Variants in APBA1 observed in about 807,000 individuals in gnomAD.
The protein encoded by APBA1 is amyloid beta precursor protein binding family A member 1.
In APBA1, 55 loss-of-function variants were observed where a neutral mutation model predicts 86.6. The ratio of observed to expected loss-of-function variants is 0.64; its 90% CI spans 0.51 to 0.80. APBA1 has a LOEUF of 0.80. Ranked by LOEUF, APBA1 falls within the 30% of genes least tolerant of loss-of-function variation. The pLI, the probability that APBA1 is intolerant of heterozygous loss-of-function variation, is 0.00. For missense variants in APBA1, 1,090 were observed against 1,183.0 expected, an observed-to-expected ratio of 0.92 and a Z score of 1.15; for synonymous variants, 511 against 493.9, an observed-to-expected ratio of 1.03 and a Z score of -0.46.
chr9:69,561,054 T>G (rs1057171331), intron 1 of APBA1, among the ~76,000 whole-genome samples: 1 of 152,212 alleles, frequency 6.6e-6, no homozygotes, highest in Non-Finnish European at 1.5e-5. Flanking sequence ...ATGTGGAATA[T>G]ATAATGTTGC....
At chr9:69,588,489 G>C (rs971387845) in intron 1 of APBA1, among the ~76,000 whole-genome samples, 8 of 151,986 alleles carry the variant, frequency 5.3e-5, no homozygotes, top group African/African-American at 1.7e-4. Context: ...TGTCCCCCAA[G>C]TCTTTGGTTT....
At chr9:69,433,650 T>G (rs1158557286) in intron 11 of APBA1, among the ~76,000 whole-genome samples, 1 of 152,092 alleles carries the variant, frequency 6.6e-6, no homozygotes, top group Non-Finnish European at 1.5e-5. Context: ...AGCTAAACTG[T>G]AAAGAGTCAC....
chr9:69,432,627 A>T lies in APBA1; in HGVS notation c.2351T>A (p.Val784Glu). Residue 784 changes from valine (V) to glutamate (E), a missense_variant, in exon 12 of 13, where the codon GTG becomes GAG. By Grantham distance (121) the Val-to-Glu change is moderately radical. Coordinates refer to ENST00000265381, the MANE Select transcript of APBA1 (RefSeq NM_001163.4). ...GGIAERGGVR[V>E]GHRIIEINGQ... ...ATTGATTTCAATGATCCGGTGCCCC[A>T]CACGGACGCCTCCTCTCTCAGCTAT... 1 of 1,605,850 alleles carries T rather than the reference A, an allele frequency of 6.2e-7. No individual in the cohort carries two copies. The highest frequency in any genetic ancestry group is 8.5e-7 in the Non-Finnish European group (1 of 1,176,730).
chr9:69,455,298 G>T (rs758468243), intron 8 of APBA1, among the ~76,000 whole-genome samples: 13 of 152,170 alleles, frequency 8.5e-5, no homozygotes, highest in Middle Eastern at 3.4e-3. Flanking sequence ...TGGCCCTCAG[G>T]GGGTGGGTGA....
At chr9:69,497,236 A>AACTCCCCC (rs1835813515) in intron 2 of APBA1, among the ~76,000 whole-genome samples, 3 of 152,130 alleles carry the variant, frequency 2.0e-5, no homozygotes, top group Non-Finnish European at 4.4e-5. Context: ...CAGCAGCACA[A>AACTCCCCC]AGGCGGTTGA....
chr9:69,468,861 A>C (rs951629735), intron 4 of APBA1, among the ~76,000 whole-genome samples: 4 of 135,744 alleles, frequency 2.9e-5, no homozygotes, highest in East Asian at 4.3e-4. Flanking sequence ...TACGTATTTT[A>C]TTTTCTTTCT....
At chr9:69,635,155 T>C (rs1325895563) in intron 1 of APBA1, among the ~76,000 whole-genome samples, 2 of 152,066 alleles carry the variant, frequency 1.3e-5, no homozygotes, top group East Asian at 1.9e-4. Context: ...AAAAAAACTA[T>C]AACAACTTTT....
At chr9:69,566,137 A>G (rs1254791226) in intron 1 of APBA1, among the ~76,000 whole-genome samples, 1 of 152,226 alleles carries the variant, frequency 6.6e-6, no homozygotes, top group Non-Finnish European at 1.5e-5. Context: ...CTTTCCTCAA[A>G]GATCCTTCCC....
intron 1 of APBA1, among the ~76,000 whole-genome samples, chr9:69,581,382 T>C (rs916910349): frequency 1.0e-4 from 3 of 29,214 alleles, no homozygotes; most frequent in Non-Finnish European, 3.2e-4. Flanking sequence ...TACATTTCTC[T>C]GAAGGTAGAA....
intron 1 of APBA1, among the ~76,000 whole-genome samples, chr9:69,669,723 A>T (rs1054905397): frequency 6.6e-6 from 1 of 152,192 alleles, no homozygotes; most frequent in Non-Finnish European, 1.5e-5. Context: ...GCAGTGAGCT[A>T]TGATCACACT....
chr9:69,536,044 TTG>T (rs1294546046), intron 1 of APBA1, among the ~76,000 whole-genome samples: 22 of 57,584 alleles, frequency 3.8e-4, no homozygotes, highest in Non-Finnish European at 7.3e-4. Context: ...GTGCAGTTTT[TTG>T]TTTTTTTTTT....
intron 1 of APBA1, among the ~76,000 whole-genome samples, chr9:69,564,492 C>A (rs573820330): frequency 1.3e-5 from 2 of 152,246 alleles, no homozygotes; most frequent in South Asian, 2.1e-4. Flanking sequence ...CACAAAATGA[C>A]CTCCGTATGC....
chr9:69,452,382 A>G (rs1835025945), intron 8 of APBA1, 81 bp from the exon 9 acceptor site: 1 of 1,387,464 alleles, frequency 7.2e-7, no homozygotes, highest in Non-Finnish European at 1.0e-6. Context: ...CCACCTGAAC[A>G]ATGGCCCTCC....
intron 1 of APBA1, among the ~76,000 whole-genome samples, chr9:69,656,792 T>C (rs1588415130): frequency 6.6e-6 from 1 of 152,328 alleles, no homozygotes; most frequent in African/African-American, 2.4e-5. Context: ...GGATGTATTA[T>C]GTGACTAGTA....
At chr9:69,643,758 T>C (rs1196470298) in intron 1 of APBA1, among the ~76,000 whole-genome samples, 2 of 152,144 alleles carry the variant, frequency 1.3e-5, no homozygotes, top group African/African-American at 4.8e-5. Flanking sequence ...AGGACTAGCT[T>C]AGGAGACAAC....
intron 5 of APBA1, among the ~76,000 whole-genome samples, chr9:69,460,371 T>C (rs917417116): frequency 6.6e-6 from 1 of 152,230 alleles, no homozygotes; most frequent in African/African-American, 2.4e-5. Flanking sequence ...CCTATGCTGA[T>C]GTTATGCCAT....
intron 2 of APBA1, among the ~76,000 whole-genome samples, chr9:69,511,084 AACT>A (rs1211627244): frequency 1.2e-4 from 19 of 152,124 alleles, no homozygotes; most frequent in Non-Finnish European, 2.6e-4. Flanking sequence ...GATCTAATTA[AACT>A]AAAGAGCTTC....
intron 10 of APBA1, among the ~76,000 whole-genome samples, chr9:69,448,829 T>C (rs1834954809): frequency 6.6e-6 from 1 of 152,216 alleles, no homozygotes; most frequent in South Asian, 2.1e-4. Flanking sequence ...GATGCCATCA[T>C]GGAGGAGGAA....
At chr9:69,521,409 C>T (rs767177520) in intron 1 of APBA1, among the ~76,000 whole-genome samples, 2 of 152,150 alleles carry the variant, frequency 1.3e-5, no homozygotes, top group Admixed American at 6.5e-5. Context: ...CTTCCCCAGG[C>T]CACATTCATA....
Sources: allele counts gnomAD v4.1 joint callset (sites outside exome capture counted in the v4.1 genomes callset), GRCh38; gene constraint gnomAD v4.1.1; transcripts MANE v1.5; gene names NCBI Gene and HGNC (gene_info 2026-07-23, HGNC 2026-07-21).